The following ZFHX3 variants were observed in gnomAD, a reference collection of about 807,000 sequenced individuals.
ZFHX3 encodes the protein zinc finger homeobox 3, also known as zinc finger homeobox protein 3.
Under a neutral mutation model 279.1 loss-of-function variants are expected in ZFHX3, and 42 were observed. The observed-to-expected ratio is 0.15, with a 90% CI of 0.12 to 0.19. The LOEUF is 0.19. ZFHX3 is among the 10% of genes least tolerant of loss of function. The pLI is 1.00. For synonymous variants in ZFHX3, 2,293 were observed against 1,957.8 expected, an observed-to-expected ratio of 1.17 and a Z score of -4.52; for missense variants, 4,981 against 4,754.0, an observed-to-expected ratio of 1.05 and a Z score of -1.40.
At chr16:73,544,848 A>G (rs2020082574) in intron 2 of ZFHX3, among the ~76,000 whole-genome samples, 1 of 152,086 alleles carries the variant, frequency 6.6e-6, no homozygotes, top group Non-Finnish European at 1.5e-5. Context: ...TGTTTTCCTC[A>G]TTAGCCCTAA....
chr16:73,606,108 G>A (rs1199388295), intron 2 of ZFHX3, among the ~76,000 whole-genome samples: 1 of 145,632 alleles, frequency 6.9e-6, no homozygotes, highest in Non-Finnish European at 1.5e-5. Context: ...CGTGAACCCG[G>A]GAGGTGGAGC....
intron 2 of ZFHX3, among the ~76,000 whole-genome samples, chr16:73,588,547 G>A (rs1039439717): frequency 3.3e-5 from 5 of 151,718 alleles, no homozygotes; most frequent in African/African-American, 9.7e-5. Context: ...AATATTAGCC[G>A]GGTGTGGTGG....
intron 1 of ZFHX3, among the ~76,000 whole-genome samples, chr16:73,699,939 C>T (rs972773141): frequency 6.6e-6 from 1 of 152,110 alleles, no homozygotes; most frequent in African/African-American, 2.4e-5. Flanking sequence ...AAAAAGCATT[C>T]CTGGCTGGGT....
At chr16:73,292,810 C>T (rs2014807738) in intron 4 of ZFHX3, among the ~76,000 whole-genome samples, 2 of 152,144 alleles carry the variant, frequency 1.3e-5, no homozygotes, top group Admixed American at 1.3e-4. Context: ...GATTCCAAGA[C>T]ACATCAGTCA....
intron 3 of ZFHX3, among the ~76,000 whole-genome samples, chr16:72,907,681 C>CTT (rs71156129): frequency 1.4e-4 from 19 of 131,878 alleles, no homozygotes; most frequent in Non-Finnish European, 2.4e-4. Context: ...CTCCAAATTC[C>CTT]TTTTTTTTTT....
intron 3 of ZFHX3, chr16:73,401,366 A>AG (rs60205549): frequency 2.9e-5 from 4 of 137,740 alleles, no homozygotes; most frequent in African/African-American, 1.1e-4. Context: ...AAAAACAAAA[A>AG]ACAAAACACA....
chr16:73,347,038 G>A (rs2016137061), intron 3 of ZFHX3, among the ~76,000 whole-genome samples: 1 of 152,160 alleles, frequency 6.6e-6, no homozygotes. Flanking sequence ...AACCAGCAAG[G>A]ATCCTGGAAC....
chr16:73,572,079 G>A (rs2051744324), intron 2 of ZFHX3, among the ~76,000 whole-genome samples: 1 of 151,022 alleles, frequency 6.6e-6, no homozygotes, highest in South Asian at 2.1e-4. Context: ...AGCTACCCAG[G>A]CAGGATTTGA....
intron 2 of ZFHX3, among the ~76,000 whole-genome samples, chr16:73,478,069 G>A (rs963824162): frequency 5.2e-4 from 79 of 152,056 alleles, no homozygotes; most frequent in African/African-American, 1.6e-3. Context: ...TCAAGAGATC[G>A]AGAACATCCT....
intron 8 of ZFHX3, among the ~76,000 whole-genome samples, chr16:73,079,619 G>A (rs991061542): frequency 3.0e-4 from 46 of 151,904 alleles, no homozygotes; most frequent in African/African-American, 8.0e-4. Context: ...GGTTACAAGC[G>A]TGAGCTGCCA....
intron 2 of ZFHX3, among the ~76,000 whole-genome samples, chr16:73,656,298 T>A: frequency 6.6e-6 from 1 of 152,208 alleles, no homozygotes; most frequent in Non-Finnish European, 1.5e-5. Context: ...CTTAAATGAA[T>A]CTTGCAAGCA....
chr16:73,389,677 T>C (rs533787827), intron 3 of ZFHX3, among the ~76,000 whole-genome samples: 1 of 152,356 alleles, frequency 6.6e-6, no homozygotes, highest in African/African-American at 2.4e-5. Context: ...TTCTTTTTTA[T>C]CCGCAGTGAA....
chr16:73,579,529 T>C (rs2051835127), intron 2 of ZFHX3, among the ~76,000 whole-genome samples: 1 of 150,076 alleles, frequency 6.7e-6, no homozygotes, highest in Non-Finnish European at 1.5e-5. Flanking sequence ...TGAGACAGAG[T>C]CTCACTCCGT....
intron 1 of ZFHX3, among the ~76,000 whole-genome samples, chr16:73,831,324 G>A (rs965320285): frequency 2.0e-5 from 3 of 152,182 alleles, no homozygotes; most frequent in South Asian, 2.1e-4. Flanking sequence ...TGTCCACTCC[G>A]AGGTTGTCAC....
chr16:73,711,692 A>G (rs1477489344), intron 1 of ZFHX3, among the ~76,000 whole-genome samples: 2 of 152,264 alleles, frequency 1.3e-5, no homozygotes, highest in South Asian at 2.1e-4. Context: ...AGGAGAAAAA[A>G]TAAGAGGCTG....
chr16:73,558,709 CTTTTTTTTTTTTTTT>C lies in ZFHX3; in HGVS notation c.-1546-102466_-1546-102452del, dbSNP rs989644068. On this transcript the variant is annotated intron_variant, in intron 2 of 17. Coordinates refer to the ZFHX3 transcript ENST00000641206. ...CGCACATACACAGAAGAAAATGACT[CTTTTTTTTTTTTTTT>C]TTTTTTTTGAGACAGTCTCACTCTG... Among the ~76,000 whole-genome samples the C allele has an allele frequency of 2.0e-4, 18 of 90,500 alleles. No individual in the cohort carries two copies. In the East Asian group the frequency reaches 3.7e-3, roughly 19 times the overall value. 59.4% of individuals were successfully genotyped at this position (90,500 alleles called of 152,430 possible).
chr16:73,011,224 T>C (rs201717065), intron 1 of ZFHX3, among the ~76,000 whole-genome samples: 2 of 151,994 alleles, frequency 1.3e-5, no homozygotes, highest in Non-Finnish European at 2.9e-5. Flanking sequence ...CTCAGGTCGA[T>C]CCGCCTGCCT....
intron 5 of ZFHX3, among the ~76,000 whole-genome samples, chr16:73,202,712 T>C (rs2011651098): frequency 6.6e-6 from 1 of 152,114 alleles, no homozygotes; most frequent in Non-Finnish European, 1.5e-5. Context: ...TGGCCTTCTT[T>C]CATGTGATGC....
upstream of ZFHX3, chr16:73,061,857 C>T (rs558626094): frequency 7.2e-5 from 11 of 151,996 alleles, no homozygotes; most frequent in Admixed American, 2.0e-4. Flanking sequence ...TAAAACGGTG[C>T]GGAGGAAGTC....
Sources: allele counts gnomAD v4.1 joint callset (sites outside exome capture counted in the v4.1 genomes callset), GRCh38; gene constraint gnomAD v4.1.1; transcripts MANE v1.5; gene names NCBI Gene and HGNC (gene_info 2026-07-23, HGNC 2026-07-21).